Variants in KCTD18 observed in about 807,000 individuals in gnomAD.
KCTD18 encodes the protein potassium channel tetramerization domain containing 18.
A neutral mutation model predicts 30.4 loss-of-function variants in KCTD18; 22 were observed. The observed-to-expected ratio is 0.72, with a 90% CI of 0.52 to 1.03. The LOEUF is 1.03. Ranked by LOEUF, KCTD18 falls within the 50% of genes least tolerant of loss-of-function variation. The pLI is 0.00. For synonymous variants in KCTD18, 186 were observed against 209.0 expected (o/e 0.89, Z 0.95); for missense variants, 529 against 547.6 (o/e 0.97, Z 0.34).
chr2:200,491,394 C>T (rs1225943193), intron 6 of KCTD18, among the ~76,000 whole-genome samples: 1 of 152,184 alleles, frequency 6.6e-6, no homozygotes, highest in Non-Finnish European at 1.5e-5. Flanking sequence ...TTATAAATTA[C>T]CCAGCCTGAT....
At chr2:200,492,766 G>A (rs562496095) in intron 6 of KCTD18, among the ~76,000 whole-genome samples, 1 of 152,278 alleles carries the variant, frequency 6.6e-6, no homozygotes, top group South Asian at 2.1e-4. Flanking sequence ...GCTATTTGTG[G>A]CAATAGGAAA....
chr2:200,493,372 G>A lies in KCTD18; in HGVS notation c.662-98C>T, dbSNP rs1574797015. 5.3e-6 allele frequency: 4 copies of A among 750,058 alleles called. No individual in the cohort carries two copies. In the East Asian group the frequency reaches 1.0e-4, roughly 19 times the overall value. 46.5% of individuals were successfully genotyped at this position (750,058 alleles called of 1,614,324 possible). A position where few individuals can be genotyped will look rare whatever the true frequency, so the allele number is the denominator to read the frequency against. On this transcript the variant is annotated intron_variant, in intron 5 of 6. Transcript: ENST00000359878. Reference sequence around the variant, plus strand: ...AGACCTGCCAGAGTCTGAGGTTCATGCCTCCCGTTTGGCAAAGAGAGGTGT... The same window carrying A: ...AGACCTGCCAGAGTCTGAGGTTCATACCTCCCGTTTGGCAAAGAGAGGTGT...
chr2:200,490,192 T>C lies in KCTD18; in HGVS notation c.1189A>G (p.Thr397Ala). 1 of 1,613,940 alleles carries C rather than the reference T, an allele frequency of 6.2e-7. No individual in the cohort carries two copies. The highest frequency in any genetic ancestry group is 8.5e-7 in the Non-Finnish European group (1 of 1,179,812). Residue 397 changes from threonine to alanine, a missense_variant, in exon 7 of 7, where the codon ACG becomes GCG. Coordinates refer to ENST00000359878, the MANE Select transcript of KCTD18 (RefSeq NM_152387.4). Reference protein sequence around the residue: ...TAPCLPSPTATRQANSLKPLP... With the variant: ...TAPCLPSPTAARQANSLKPLP... ...GGCTTGAGGGAGTTGGCCTGCCTCG[T>C]GGCCGTGGGGGAGGGCAGGCAAGGC... is the stretch of plus-strand genomic sequence containing the variant.
At position 200,490,264 on chromosome 2, in the gene KCTD18, G is replaced by A; in HGVS notation, c.1117C>T (p.Pro373Ser). ...KVLLSDKKPT[P>S]QRVIKLKRTP... ...CTCTTCAGCTTTATCACCCGCTGGG[G>A]TGTAGGCTTCTTGTCGGAGAGTAGC... The change falls in exon 7 of 7, where the codon CCC becomes TCC. Residue 373 changes from proline to serine, a missense_variant. Physicochemically the swap from Pro to Ser is moderately conservative, Grantham distance 74. Transcript: ENST00000359878. 1 of 1,614,264 alleles carries A rather than the reference G, an allele frequency of 6.2e-7. No homozygotes were observed. Among genetic ancestry groups the A allele is most frequent in the Non-Finnish European group, 8.5e-7 (1 of 1,180,048 alleles).
rs1481083201 is a variant in KCTD18, at chr2:200,504,983, T to C, written c.161-24A>G. 4 of 1,571,564 alleles carry C rather than the reference T, an allele frequency of 2.5e-6. No individual in the cohort carries two copies. In the East Asian group the frequency reaches 9.0e-5, roughly 35 times the overall value. ...CCCTAGAAAACATTCAGTTCAAAAA[T>C]GATTATAGAGATTCTGTCGATCAAT... On this transcript the variant is annotated intron_variant, in intron 2 of 6. Coordinates refer to ENST00000359878, the MANE Select transcript of KCTD18 (RefSeq NM_152387.4).
chr2:200,508,297 G>A (rs1160487194), intron 1 of KCTD18, among the ~76,000 whole-genome samples: 3 of 152,028 alleles, frequency 2.0e-5, no homozygotes, highest in Non-Finnish European at 4.4e-5. Context: ...ACCATATTGG[G>A]CAGTCTGGTC....
In KCTD18 at chr2:200,490,049, G is replaced by A. The variant is rs1197228424; in HGVS notation, c.*51C>T. 6.6e-7 allele frequency: 1 copy of A among 1,505,294 alleles called. No homozygotes were observed. Among genetic ancestry groups the A allele is most frequent in the African/African-American group, 1.4e-5 (1 of 71,910 alleles). 93.2% of individuals were successfully genotyped at this position (1,505,294 alleles called of 1,614,324 possible). ...AAAGTGTCACTTCTTTGCGTCGAATGGGTTGAAAGCTTTGGGAGATGAACG... is the reference window on the plus strand; with the variant it reads ...AAAGTGTCACTTCTTTGCGTCGAATAGGTTGAAAGCTTTGGGAGATGAACG... On this transcript the variant is annotated 3_prime_UTR_variant, in exon 7 of 7. Coordinates refer to ENST00000359878, the MANE Select transcript of KCTD18 (RefSeq NM_152387.4).
intron 3 of KCTD18, among the ~76,000 whole-genome samples, chr2:200,500,510 A>G (rs906403372): frequency 2.0e-5 from 3 of 151,920 alleles, no homozygotes; most frequent in African/African-American, 7.3e-5. Flanking sequence ...GAGCCAAATC[A>G]TGAGTGAACT....
intron 4 of KCTD18, 118 bp from the exon 5 acceptor site, chr2:200,497,965 ACTGAGTAGTTGTT>A (rs1399559578): frequency 2.8e-6 from 2 of 710,572 alleles, no homozygotes; most frequent in Non-Finnish European, 2.5e-6. Flanking sequence ...ACATGTAAGC[ACTGAGTAGTTGTT>A]CTGTGATCCT....
chr2:200,501,256 A>C (rs1235517107), intron 3 of KCTD18, among the ~76,000 whole-genome samples: 2 of 145,160 alleles, frequency 1.4e-5, no homozygotes, highest in East Asian at 2.0e-4. Context: ...CACCAAAAGC[A>C]ATGGCAACAA....
intron 4 of KCTD18, among the ~76,000 whole-genome samples, chr2:200,498,659 A>AC (rs1407460919): frequency 1.3e-5 from 2 of 152,194 alleles, no homozygotes; most frequent in East Asian, 3.8e-4. Context: ...CCAGTTGAGA[A>AC]CCACTGCACT....
At chr2:200,494,371 T>G (rs943295517) in intron 5 of KCTD18, among the ~76,000 whole-genome samples, 1 of 152,234 alleles carries the variant, frequency 6.6e-6, no homozygotes, top group South Asian at 2.1e-4. Context: ...TCTCAATTTT[T>G]TTTAGAAAAG....
intron 3 of KCTD18, among the ~76,000 whole-genome samples, chr2:200,499,683 CGAATT>C (rs1378036707): frequency 6.6e-6 from 1 of 151,488 alleles, no homozygotes; most frequent in African/African-American, 2.4e-5. Flanking sequence ...GATTCACAGC[CGAATT>C]CTACCAGAGG....
At chr2:200,498,528 T>C (rs1423053057) in intron 4 of KCTD18, among the ~76,000 whole-genome samples, 1 of 152,248 alleles carries the variant, frequency 6.6e-6, no homozygotes, top group Non-Finnish European at 1.5e-5. Context: ...TCAGTAGGCC[T>C]GCTGACTTCT....
At position 200,504,862 on chromosome 2, in the gene KCTD18, G is replaced by A. The variant is rs748251053; in HGVS notation, c.258C>T (p.Ile86=). The A allele has an allele frequency of 1.8e-5, 29 of 1,614,150 alleles. No homozygotes were observed. The highest frequency in any genetic ancestry group is 1.6e-4 in the Middle Eastern group (1 of 6,062). ...VQIPTDEQTR[I]ALQEEADYFG... is the part of the protein sequence containing the mutation. ...AGTAATCAGCCTCTTCCTGTAGGGCGATGCGGGTTTGCTCATCTGTGGGAA... is the reference window on the plus strand; with the variant it reads ...AGTAATCAGCCTCTTCCTGTAGGGCAATGCGGGTTTGCTCATCTGTGGGAA... Residue 86 remains isoleucine (I), a synonymous_variant, in exon 3 of 7, where the codon ATC becomes ATT. Transcript: ENST00000359878.
intron 3 of KCTD18, among the ~76,000 whole-genome samples, chr2:200,500,768 T>C (rs568529738): frequency 6.6e-6 from 1 of 151,230 alleles, no homozygotes; most frequent in Non-Finnish European, 1.5e-5. Context: ...CTTCACAGAA[T>C]TGGAAAAAAC....
intron 2 of KCTD18, 64 bp downstream of exon 2, chr2:200,506,793 C>A: frequency 1.3e-6 from 2 of 1,483,666 alleles, no homozygotes; most frequent in Non-Finnish European, 1.9e-6. Flanking sequence ...TTAAGAAAAT[C>A]AAAGGGAACT....
chr2:200,501,042 C>T (rs1286232460), intron 3 of KCTD18, among the ~76,000 whole-genome samples: 1 of 151,744 alleles, frequency 6.6e-6, no homozygotes, highest in Non-Finnish European at 1.5e-5. Flanking sequence ...AGAAAGGATT[C>T]CCTATTTAAT....
At chr2:200,503,907 G>C (rs1057285171) in intron 3 of KCTD18, among the ~76,000 whole-genome samples, 1 of 151,964 alleles carries the variant, frequency 6.6e-6, no homozygotes, top group Non-Finnish European at 1.5e-5. Context: ...CTTTCAATAA[G>C]ACAAAAACAG....
Sources: allele counts gnomAD v4.1 joint callset (sites outside exome capture counted in the v4.1 genomes callset), GRCh38; gene constraint gnomAD v4.1.1; transcripts MANE v1.5; gene names NCBI Gene and HGNC (gene_info 2026-07-23, HGNC 2026-07-21).